Variants in NRG1 observed in about 807,000 individuals in gnomAD.
NRG1 encodes the protein neuregulin 1, also known as pro-neuregulin-1, membrane-bound isoform.
A neutral mutation model predicts 63.8 loss-of-function variants in NRG1; 18 were observed. The observed-to-expected ratio is 0.28, with a 90% CI of 0.19 to 0.42. The LOEUF is 0.42. Among genes scored for constraint, NRG1 ranks in the 10% least tolerant of loss-of-function variants. The probability of loss-of-function intolerance (pLI) is 1.00; values close to 1 mark genes in which losing one functional copy is unlikely to be tolerated. For missense variants in NRG1, 762 were observed against 814.7 expected, an observed-to-expected ratio of 0.94 and a Z score of 0.79; for synonymous variants, 302 against 301.3, an observed-to-expected ratio of 1.00 and a Z score of -0.02.
At chr8:31,990,115 G>T (rs966059320) in intron 1 of NRG1, among the ~76,000 whole-genome samples, 4 of 152,060 alleles carry the variant, frequency 2.6e-5, no homozygotes, top group Admixed American at 2.0e-4. Context: ...TTTTCATTGT[G>T]CCCATGTGGT....
intron 1 of NRG1, among the ~76,000 whole-genome samples, chr8:31,749,871 A>AT (rs201288578): frequency 1.4e-5 from 2 of 140,760 alleles, no homozygotes; most frequent in East Asian, 2.0e-4. Flanking sequence ...CTGTTTGTTT[A>AT]TTTTTTTTAT....
At chr8:32,147,370 T>C (rs1203730964) in intron 1 of NRG1, among the ~76,000 whole-genome samples, 1 of 152,214 alleles carries the variant, frequency 6.6e-6, no homozygotes, top group African/African-American at 2.4e-5. Context: ...TAAATGTCAA[T>C]ACAGGAATAG....
At chr8:31,822,541 G>A (rs1426909852) in intron 1 of NRG1, among the ~76,000 whole-genome samples, 3 of 152,176 alleles carry the variant, frequency 2.0e-5, no homozygotes, top group Admixed American at 1.3e-4. Flanking sequence ...TAGCACAGCA[G>A]CCACTAGGCC....
chr8:32,088,244 C>T (rs909349379), intron 1 of NRG1, among the ~76,000 whole-genome samples: 1 of 152,208 alleles, frequency 6.6e-6, no homozygotes, highest in Non-Finnish European at 1.5e-5. Context: ...ATATCTTCCT[C>T]ACTTCCTCAT....
chr8:32,120,737 G>A (rs915308415), intron 1 of NRG1, among the ~76,000 whole-genome samples: 2 of 152,014 alleles, frequency 1.3e-5, no homozygotes, highest in African/African-American at 2.4e-5. Context: ...AGAGACCAAG[G>A]ACAAATGTTG....
chr8:32,684,872 A>G (rs1377699374), intron 5 of NRG1, among the ~76,000 whole-genome samples: 2 of 152,144 alleles, frequency 1.3e-5, no homozygotes, highest in Admixed American at 1.3e-4. Context: ...AAACGCATAC[A>G]TATCCTAGTT....
intron 1 of NRG1, among the ~76,000 whole-genome samples, chr8:31,757,397 G>A (rs1817078546): frequency 6.6e-6 from 1 of 152,014 alleles, no homozygotes; most frequent in South Asian, 2.1e-4. Context: ...TGTAGAATTT[G>A]TCACATTGGC....
intron 1 of NRG1, among the ~76,000 whole-genome samples, chr8:31,910,858 T>C (rs1832881525): frequency 6.6e-6 from 1 of 152,032 alleles, no homozygotes; most frequent in Non-Finnish European, 1.5e-5. Context: ...GAGAAGAGGA[T>C]CTCTTGAGAA....
At chr8:32,357,505 C>T (rs1316077303) in intron 1 of NRG1, among the ~76,000 whole-genome samples, 2 of 152,132 alleles carry the variant, frequency 1.3e-5, no homozygotes, top group South Asian at 2.1e-4. Flanking sequence ...AGATTTATTT[C>T]CCTTTTATTG....
intron 1 of NRG1, among the ~76,000 whole-genome samples, chr8:31,653,688 T>G (rs1805134466): frequency 6.6e-6 from 1 of 152,230 alleles, no homozygotes. Flanking sequence ...AGATAAATAG[T>G]GTATTAACTA....
intron 1 of NRG1, among the ~76,000 whole-genome samples, chr8:32,121,537 G>T (rs1293091922): frequency 6.6e-6 from 1 of 151,856 alleles, no homozygotes; most frequent in Non-Finnish European, 1.5e-5. Context: ...TAACTTTTGT[G>T]TTGAAAAATC....
chr8:32,057,783 A>C (rs540968358), intron 1 of NRG1, among the ~76,000 whole-genome samples: 4 of 152,168 alleles, frequency 2.6e-5, no homozygotes, highest in Non-Finnish European at 4.4e-5. Flanking sequence ...TTATTGAAAT[A>C]GTGAAGTGAG....
At chr8:32,101,484 T>G (rs1830575850) in intron 1 of NRG1, among the ~76,000 whole-genome samples, 1 of 151,194 alleles carries the variant, frequency 6.6e-6, no homozygotes, top group South Asian at 2.1e-4. Flanking sequence ...GCAGATTTTT[T>G]TTTTTTTTTT....
At chr8:32,091,366 T>G (rs1429786702) in intron 1 of NRG1, among the ~76,000 whole-genome samples, 1 of 152,106 alleles carries the variant, frequency 6.6e-6, no homozygotes, top group Non-Finnish European at 1.5e-5. Flanking sequence ...TCAATGACAT[T>G]TACAATGATC....
At chr8:32,407,770 G>T (rs1012401783) in intron 1 of NRG1, among the ~76,000 whole-genome samples, 2 of 152,108 alleles carry the variant, frequency 1.3e-5, no homozygotes, top group Non-Finnish European at 2.9e-5. Flanking sequence ...GAAGTGTGTT[G>T]CTCTAAGCTC....
intron 1 of NRG1, among the ~76,000 whole-genome samples, chr8:32,386,712 T>C (rs1209964596): frequency 6.6e-6 from 1 of 152,224 alleles, no homozygotes; most frequent in Non-Finnish European, 1.5e-5. Context: ...CCTGGAGAAG[T>C]AAGGAAGACT....
At chr8:32,337,580 T>C (rs1196223916) in intron 1 of NRG1, among the ~76,000 whole-genome samples, 1 of 145,162 alleles carries the variant, frequency 6.9e-6, no homozygotes, top group East Asian at 2.1e-4. Flanking sequence ...TGATTCATTC[T>C]ATCCCTTCCC....
chr8:32,072,840 C>G (rs1825948235), intron 1 of NRG1, among the ~76,000 whole-genome samples: 1 of 152,138 alleles, frequency 6.6e-6, no homozygotes, highest in Non-Finnish European at 1.5e-5. Flanking sequence ...AACTCCTACA[C>G]AGCTCTACCC....
At chr8:32,741,902 C>A in intron 6 of NRG1, 106 bp from the exon 7 acceptor site, 1 of 774,156 alleles carries the variant, frequency 1.3e-6, no homozygotes, top group Non-Finnish European at 2.2e-6. Context: ...TGCTTGGTAC[C>A]AGATCATTTT....
Sources: allele counts gnomAD v4.1 joint callset (sites outside exome capture counted in the v4.1 genomes callset), GRCh38; gene constraint gnomAD v4.1.1; transcripts MANE v1.5; gene names NCBI Gene and HGNC (gene_info 2026-07-23, HGNC 2026-07-21).